Variants in TBC1D30 observed in about 807,000 individuals in gnomAD.
TBC1D30 encodes the protein TBC1 domain family member 30.
TBC1D30 carries 31 observed loss-of-function variants against 63.2 expected under a neutral mutation model. The observed-to-expected ratio is 0.49, with a 90% CI of 0.37 to 0.66. The LOEUF is 0.66. Among genes scored for constraint, TBC1D30 ranks in the 30% least tolerant of loss-of-function variants. The probability of loss-of-function intolerance (pLI) is 0.00; values close to 1 mark genes in which losing one functional copy is unlikely to be tolerated. For missense variants in TBC1D30, 810 were observed against 953.6 expected, an observed-to-expected ratio of 0.85 and a Z score of 1.98; for synonymous variants, 307 against 361.5, an observed-to-expected ratio of 0.85 and a Z score of 1.71.
intron 2 of TBC1D30, among the ~76,000 whole-genome samples, chr12:64,815,538 C>T (rs1249560137): frequency 6.6e-6 from 1 of 152,134 alleles, no homozygotes; most frequent in East Asian, 1.9e-4. Flanking sequence ...AGTAAGACTA[C>T]TGTAGCAGCA....
At chr12:64,837,348 T>G (rs1422553835) in intron 6 of TBC1D30, among the ~76,000 whole-genome samples, 2 of 152,026 alleles carry the variant, frequency 1.3e-5, no homozygotes, top group African/African-American at 4.8e-5. Flanking sequence ...TAATACATAA[T>G]GAAGTAATTA....
rs114219308 is a variant in TBC1D30, at chr12:64,762,857, A to G, written c.-376+3208A>G. Among the ~76,000 whole-genome samples the G allele has an allele frequency of 8.6e-3, 1,315 of 152,122 alleles. 20 individuals carry two copies. Among genetic ancestry groups the G allele is most frequent in the African/African-American group, 0.03 (1,245 of 41,492 alleles). On this transcript the variant is annotated intron_variant, in intron 1 of 13. Coordinates refer to the TBC1D30 transcript ENST00000674237. ...TTATTGGTGATAATTCAGAAAAATT[A>G]TTTTTCACCTCAGTTCATTATTGGT... is the stretch of plus-strand genomic sequence containing the variant.
At chr12:64,827,956 T>C (rs1874509660) in intron 2 of TBC1D30, 60 bp downstream of exon 2, 2 of 1,118,026 alleles carry the variant, frequency 1.8e-6, no homozygotes, top group Non-Finnish European at 2.6e-6. Context: ...CATTGAGATA[T>C]ATTCTCAAAG....
upstream of TBC1D30, among the ~76,000 whole-genome samples, chr12:64,779,614 G>A (rs80003464): frequency 7.6e-3 from 1,160 of 152,236 alleles, 15 homozygotes; most frequent in African/African-American, 0.026. Flanking sequence ...GAACAAACAC[G>A]AAACACCAGT....
upstream of TBC1D30, chr12:64,779,419 T>C (rs1401791409): frequency 2.0e-5 from 3 of 152,136 alleles, no homozygotes; most frequent in South Asian, 6.2e-4. Flanking sequence ...AACCATAAAA[T>C]AATATTTCCA....
At chr12:64,805,620 G>T (rs1872814400) in intron 2 of TBC1D30, among the ~76,000 whole-genome samples, 1 of 152,096 alleles carries the variant, frequency 6.6e-6, no homozygotes, top group Non-Finnish European at 1.5e-5. Flanking sequence ...ATCACTTGAG[G>T]CCGGGAGTTC....
At chr12:64,852,852 C>T (rs553091064) in intron 8 of TBC1D30, among the ~76,000 whole-genome samples, 16 of 152,298 alleles carry the variant, frequency 1.1e-4, no homozygotes, top group African/African-American at 3.8e-4. Context: ...CCTGTTCCTT[C>T]CTCTGGAAGC....
intron 5 of TBC1D30, among the ~76,000 whole-genome samples, chr12:64,835,489 C>G (rs1405970641): frequency 6.6e-6 from 1 of 151,990 alleles, no homozygotes; most frequent in Admixed American, 6.5e-5. Context: ...ATATATAGAA[C>G]CAGTTATGAT....
intron 3 of TBC1D30, 117 bp from the exon 4 acceptor site, chr12:64,830,260 A>T: frequency 2.1e-6 from 2 of 974,402 alleles, no homozygotes; most frequent in Non-Finnish European, 2.9e-6. Context: ...TATGAGCGAT[A>T]GATAGCTGGT....
Position 64,875,645 on chromosome 12 carries a change from G to T in TBC1D30, c.2143G>T (p.Val715Phe). Reference protein sequence around the residue: ...KTPIFSPFPSVKPLRKSATAR... With the variant: ...KTPIFSPFPSFKPLRKSATAR... ...CCCCATCTTTAGCCCTTTTCCCAGC[G>T]TCAAGCCCCTGCGGAAATCTGCTAC... Residue 715 changes from valine to phenylalanine, a missense_variant, in exon 12 of 12, where the codon GTC becomes TTC. Physicochemically the swap from Val to Phe is conservative, Grantham distance 50. Coordinates refer to ENST00000539867, the MANE Select transcript of TBC1D30 (RefSeq NM_015279.2). The T allele has an allele frequency of 6.5e-7, 1 of 1,536,212 alleles. No homozygotes were observed. Among genetic ancestry groups the T allele is most frequent in the Non-Finnish European group, 8.7e-7 (1 of 1,146,940 alleles).
chr12:64,873,341 A>G (rs1407951139), intron 11 of TBC1D30, among the ~76,000 whole-genome samples: 4 of 152,194 alleles, frequency 2.6e-5, no homozygotes, highest in African/African-American at 9.7e-5. Context: ...GAGAAAGGGA[A>G]ATGAAAAGAT....
intron 2 of TBC1D30, among the ~76,000 whole-genome samples, chr12:64,790,220 G>A (rs1389365621): frequency 1.3e-5 from 2 of 152,164 alleles, no homozygotes; most frequent in African/African-American, 4.8e-5. Context: ...AGCATAGTTT[G>A]CATATGAAAT....
At chr12:64,781,248 C>G (rs1387955390) in exon 1 of TBC1D30, 3 of 1,158,310 alleles carry the variant, frequency 2.6e-6, no homozygotes, top group Non-Finnish European at 3.2e-6. Context: ...CAGGAGCGAC[C>G]GAGCCAGCGG....
intron 5 of TBC1D30, among the ~76,000 whole-genome samples, chr12:64,834,336 T>C (rs1393995262): frequency 6.6e-6 from 1 of 152,158 alleles, no homozygotes; most frequent in African/African-American, 2.4e-5. Flanking sequence ...CTTAAGTTTT[T>C]ACTTAGCAAA....
At position 64,875,759 on chromosome 12, in the gene TBC1D30, G is replaced by A. The variant is rs1223901434; in HGVS notation, c.2257G>A (p.Gly753Ser). Residue 753 changes from glycine to serine, a missense_variant, in exon 12 of 12, where the codon GGT (glycine) becomes AGT (serine). Transcript: ENST00000539867. ...GAGTAGGAGCTTCAGCAAACCCGGC[G>A]GTGGAAACAGTGGCACTAAAAAACG... ...QMSRSFSKPG[G>S]GNSGTKKR is the part of the protein sequence containing the mutation. 32 of 1,532,238 alleles carry A rather than the reference G, an allele frequency of 2.1e-5. No individual in the cohort carries two copies. In the East Asian group the frequency reaches 4.6e-4, roughly 22 times the overall value. The allele number at this position is 1,532,238 out of a possible 1,614,324, so 94.9% of individuals were successfully genotyped here.
chr12:64,777,530 C>G (rs1402358379), upstream of TBC1D30, among the ~76,000 whole-genome samples: 1 of 152,128 alleles, frequency 6.6e-6, no homozygotes, highest in East Asian at 1.9e-4. Flanking sequence ...AAATACAATA[C>G]CCAGTAATAC....
rs534153085 is a variant in TBC1D30, at chr12:64,877,687, G to A, written c.*1899G>A. ...GGGCTTATTTTGCATACCACCCTCAGGGCCCAGAGACCCACTGCATTTTCC... is the reference window on the plus strand; with the variant it reads ...GGGCTTATTTTGCATACCACCCTCAAGGCCCAGAGACCCACTGCATTTTCC... On this transcript the variant is annotated 3_prime_UTR_variant, in exon 12 of 12. Coordinates refer to ENST00000539867, the MANE Select transcript of TBC1D30 (RefSeq NM_015279.2). The A allele has an allele frequency of 4.6e-5, 7 of 152,304 alleles. No homozygotes were observed. Among genetic ancestry groups the A allele is most frequent in the African/African-American group, 1.7e-4 (7 of 41,568 alleles). The allele number at this position is 152,304 out of a possible 1,614,324, so 9.4% of individuals were successfully genotyped here.
intron 8 of TBC1D30, among the ~76,000 whole-genome samples, chr12:64,861,485 C>T (rs990332315): frequency 7.2e-5 from 11 of 151,988 alleles, no homozygotes; most frequent in Non-Finnish European, 1.6e-4. Context: ...ATTTTTGAGC[C>T]GAAGAGATGA....
At chr12:64,825,173 C>A in intron 1 of TBC1D30, 140 bp downstream of exon 1, 1 of 1,272,012 alleles carries the variant, frequency 7.9e-7, no homozygotes, top group Non-Finnish European at 1.0e-6. Flanking sequence ...ACCGCGTTGG[C>A]ACCTGCAGGG....
Sources: allele counts gnomAD v4.1 joint callset (sites outside exome capture counted in the v4.1 genomes callset), GRCh38; gene constraint gnomAD v4.1.1; transcripts MANE v1.5; gene names NCBI Gene and HGNC (gene_info 2026-07-23, HGNC 2026-07-21).